The following FYTTD1 variants were observed in gnomAD, a reference collection of about 807,000 sequenced individuals.
FYTTD1 encodes the protein UAP56-interacting factor.
In FYTTD1, 22 loss-of-function variants were observed where a neutral mutation model predicts 40.9. The observed-to-expected ratio is 0.54, with a 90% confidence interval of 0.38 to 0.77. The LOEUF is 0.77. Among genes scored for constraint, FYTTD1 ranks in the 30% least tolerant of loss-of-function variants. The probability of loss-of-function intolerance (pLI) is 0.00; values close to 1 mark genes in which losing one functional copy is unlikely to be tolerated. For missense variants in FYTTD1, 351 were observed against 392.2 expected (o/e 0.90, Z 0.89); for synonymous variants, 140 against 137.9 (o/e 1.01, Z -0.10).
intron 2 of FYTTD1, among the ~76,000 whole-genome samples, chr3:197,765,383 T>C (rs1419927541): frequency 5.3e-5 from 8 of 152,166 alleles, no homozygotes; most frequent in Non-Finnish European, 1.2e-4. Context: ...TCATACAAAT[T>C]ATAGTACTCA....
rs572417725 is a variant in FYTTD1, at chr3:197,769,981, G to GTGTC, written c.385-150_385-149insGTCT. 9.7e-5 allele frequency: 59 copies of GTGTC among 607,386 alleles called. No homozygotes were observed. The South Asian group carries it at 1.2e-3, about 12-fold the overall frequency. 37.6% of individuals were successfully genotyped at this position (607,386 alleles called of 1,614,324 possible). A position where few individuals can be genotyped will look rare whatever the true frequency, so the allele number is the denominator to read the frequency against. ...TTTCATCTTTTCAGTCATGTAGACT[G>GTGTC]TACAGTTTCAAGTTGTTTGTTTCTC... On this transcript the variant is annotated intron_variant, in intron 3 of 8. Transcript: ENST00000241502.
intron 2 of FYTTD1, among the ~76,000 whole-genome samples, chr3:197,765,619 T>C (rs747035524): frequency 1.3e-5 from 2 of 152,066 alleles, no homozygotes; most frequent in Non-Finnish European, 2.9e-5. Flanking sequence ...CCCAGCACTT[T>C]GGGAAGTTGA....
At chr3:197,757,994 C>T (rs975262956) in intron 2 of FYTTD1, among the ~76,000 whole-genome samples, 1 of 152,242 alleles carries the variant, frequency 6.6e-6, no homozygotes, top group African/African-American at 2.4e-5. Flanking sequence ...GCCTCTGCCT[C>T]CCGGGTTCAA....
At chr3:197,759,383 G>T (rs142089090) in intron 2 of FYTTD1, among the ~76,000 whole-genome samples, 9,656 of 152,060 alleles carry the variant, frequency 0.064, 626 homozygotes, top group African/African-American at 0.17. Flanking sequence ...GTGTTCTTCA[G>T]TGGTAGAACG....
At chr3:197,754,631 T>C (rs1413755989) in intron 1 of FYTTD1, among the ~76,000 whole-genome samples, 2 of 151,924 alleles carry the variant, frequency 1.3e-5, no homozygotes, top group African/African-American at 4.8e-5. Context: ...GAATTAGGAC[T>C]ATGGAGGAAA....
At chr3:197,774,373 G>A (rs1279733912) in intron 6 of FYTTD1, among the ~76,000 whole-genome samples, 163 bp downstream of exon 6, 2 of 152,250 alleles carry the variant, frequency 1.3e-5, no homozygotes, top group African/African-American at 4.8e-5. Flanking sequence ...ATCCCAGCTA[G>A]TTGGGAGACT....
chr3:197,753,386 A>G (rs1196195938), intron 1 of FYTTD1, among the ~76,000 whole-genome samples: 1 of 152,216 alleles, frequency 6.6e-6, no homozygotes, highest in Non-Finnish European at 1.5e-5. Context: ...AAGTGAATAC[A>G]TGTCAGAACT....
At chr3:197,781,689 T>G (rs535151410) in intron 8 of FYTTD1, 122 bp from the exon 9 acceptor site, 1 of 648,446 alleles carries the variant, frequency 1.5e-6, no homozygotes, top group East Asian at 2.8e-5. Context: ...ATTTAGGAAA[T>G]TTTAGCTGTC....
chr3:197,751,239 C>T (rs1000033572), intron 1 of FYTTD1, among the ~76,000 whole-genome samples: 2 of 152,182 alleles, frequency 1.3e-5, no homozygotes, highest in African/African-American at 4.8e-5. Context: ...TTGATTTCTA[C>T]GATTGCCACA....
intron 1 of FYTTD1, chr3:197,755,570 C>T (rs889110299): frequency 1.6e-5 from 3 of 190,882 alleles, no homozygotes; most frequent in Non-Finnish European, 2.1e-5. Context: ...CTCAGCCTCC[C>T]GAGTAGCTGG....
Position 197,763,590 on chromosome 3 carries a change from A to G in FYTTD1, c.236-4849A>G, listed in dbSNP as rs1036390349. 34 of 421,450 alleles carry G rather than the reference A, an allele frequency of 8.1e-5. 1 individual carries two copies. Among genetic ancestry groups the G allele is most frequent in the African/African-American group, 6.7e-4 (32 of 47,818 alleles). The allele number at this position is 421,450 out of a possible 1,614,324, so 26.1% of individuals were successfully genotyped here. On this transcript the variant is annotated intron_variant, in intron 2 of 8. Coordinates refer to ENST00000241502, the MANE Select transcript of FYTTD1 (RefSeq NM_032288.7). Reference sequence around the variant, plus strand: ...CAAGGACTTCAGGACCAGCGTGGGCAACATAGGGAGACCCCGTCTCTACAA... The same window carrying G: ...CAAGGACTTCAGGACCAGCGTGGGCGACATAGGGAGACCCCGTCTCTACAA...
intron 1 of FYTTD1, among the ~76,000 whole-genome samples, chr3:197,754,659 T>C (rs923468650): frequency 1.1e-4 from 16 of 151,496 alleles, no homozygotes; most frequent in East Asian, 3.8e-4. Context: ...GGGTTTTTTT[T>C]TTTCTTTCTT....
At chr3:197,752,627 G>C (rs891639716) in intron 1 of FYTTD1, among the ~76,000 whole-genome samples, 1 of 151,172 alleles carries the variant, frequency 6.6e-6, no homozygotes, top group African/African-American at 2.4e-5. Flanking sequence ...TCTATGGCTT[G>C]GTTATTTTTA....
Position 197,782,053 on chromosome 3 carries a change from T to C in FYTTD1, c.*144T>C, listed in dbSNP as rs546696585. 1 of 453,476 alleles carries C rather than the reference T, an allele frequency of 2.2e-6. No individual in the cohort carries two copies. The highest frequency in any genetic ancestry group is 3.3e-5 in the East Asian group (1 of 29,876). The allele number at this position is 453,476 out of a possible 1,614,324, so 28.1% of individuals were successfully genotyped here. A position where few individuals can be genotyped will look rare whatever the true frequency, so the allele number is the denominator to read the frequency against. Reference sequence around the variant, plus strand: ...TTTTTATTTTTGAAGGTTTTTTTTTTTAAAAAAAAAAACGTATAAAATAAT... The same window carrying C: ...TTTTTATTTTTGAAGGTTTTTTTTTCTAAAAAAAAAAACGTATAAAATAAT... On this transcript the variant is annotated 3_prime_UTR_variant, in exon 9 of 9. Transcript: ENST00000241502.
At chr3:197,750,460 C>T (rs1728981386) in intron 1 of FYTTD1, 3 of 998,506 alleles carry the variant, frequency 3.0e-6, no homozygotes, top group South Asian at 4.6e-5. Context: ...TCGCGGTGGG[C>T]GTTATCGGGG....
intron 1 of FYTTD1, among the ~76,000 whole-genome samples, chr3:197,753,826 G>C (rs1257837177): frequency 6.6e-6 from 1 of 151,868 alleles, no homozygotes; most frequent in Admixed American, 6.6e-5. Context: ...CACGATCTCG[G>C]CTTCCCAGGT....
At chr3:197,777,651 G>C (rs977884897) in intron 7 of FYTTD1, among the ~76,000 whole-genome samples, 2 of 152,086 alleles carry the variant, frequency 1.3e-5, no homozygotes, top group South Asian at 4.1e-4. Context: ...ACAGACCTAC[G>C]TTCTCTTTAA....
intron 1 of FYTTD1, among the ~76,000 whole-genome samples, chr3:197,752,871 G>C (rs1030590299): frequency 6.6e-6 from 1 of 152,142 alleles, no homozygotes; most frequent in Non-Finnish European, 1.5e-5. Flanking sequence ...GTTAAGTGGT[G>C]GTGCCAGGAT....
At chr3:197,762,116 C>G (rs181424272) in intron 2 of FYTTD1, among the ~76,000 whole-genome samples, 8 of 152,296 alleles carry the variant, frequency 5.3e-5, no homozygotes, top group Admixed American at 3.9e-4. Context: ...AAAGCCCTCT[C>G]CTGTTAATAC....
Sources: allele counts gnomAD v4.1 joint callset (sites outside exome capture counted in the v4.1 genomes callset), GRCh38; gene constraint gnomAD v4.1.1; transcripts MANE v1.5; gene names NCBI Gene and HGNC (gene_info 2026-07-23, HGNC 2026-07-21).